UGT1A8: variants seen among roughly 807,000 people sequenced by gnomAD.
UGT1A8 encodes the protein UDP glucuronosyltransferase family 1 member A8.
UGT1A8 carries 39 observed loss-of-function variants against 45.3 expected under a neutral mutation model. The observed-to-expected ratio is 0.86, with a 90% confidence interval of 0.67 to 1.12. The LOEUF (loss-of-function observed/expected upper bound fraction) is 1.12. UGT1A8 is among the 50% of genes most tolerant of loss of function. UGT1A8 has a pLI of 0.00. For missense variants in UGT1A8, 719 were observed against 664.9 expected, an observed-to-expected ratio of 1.08 and a Z score of -0.90; for synonymous variants, 275 against 249.2, an observed-to-expected ratio of 1.10 and a Z score of -0.97.
intron 1 of UGT1A8, among the ~76,000 whole-genome samples, chr2:233,697,907 C>G (rs570529725): frequency 6.6e-6 from 1 of 152,212 alleles, no homozygotes; most frequent in South Asian, 2.1e-4. Flanking sequence ...TCTATTGACT[C>G]CTTCTCCTAG....
At chr2:233,740,578 C>A (rs1384729734) in intron 1 of UGT1A8, 2 of 151,730 alleles carry the variant, frequency 1.3e-5, no homozygotes, top group Non-Finnish European at 2.9e-5. Flanking sequence ...TTTTTTGGGA[C>A]CCTAATGAAA....
chr2:233,681,988 G>A, intron 1 of UGT1A8: 1 of 1,614,144 alleles, frequency 6.2e-7, no homozygotes, highest in Non-Finnish European at 8.5e-7. Context: ...TGTGTCTACT[G>A]CTGACCTGTG....
chr2:233,767,912 T>A lies in UGT1A8; in HGVS notation c.1051T>A (p.Trp351Arg), dbSNP rs1559414817. The change falls in exon 3 of 5, where the codon TGG (tryptophan) becomes AGG (arginine). Residue 351 changes from tryptophan (W) to arginine (R), a missense_variant. Physicochemically the swap from Trp to Arg is moderately radical, Grantham distance 101. Coordinates refer to ENST00000373450, the MANE Select transcript of UGT1A8 (RefSeq NM_019076.5). ...TGCGAACAACACGATACTTGTTAAG[T>A]GGCTACCCCAAAACGATCTGCTTGG... is the stretch of plus-strand genomic sequence containing the variant. The part of the protein sequence containing the change: ...NLANNTILVK[W>R]LPQNDLLGHP... The A allele has an allele frequency of 2.5e-6, 4 of 1,614,202 alleles. No homozygotes were observed. Among genetic ancestry groups the A allele is most frequent in the Non-Finnish European group, 3.4e-6 (4 of 1,180,044 alleles).
At chr2:233,618,601 GC>G (rs759143315) in intron 1 of UGT1A8, 39 bp downstream of exon 1, 1 of 1,547,454 alleles carries the variant, frequency 6.5e-7, no homozygotes, top group South Asian at 1.2e-5. Context: ...GAATAATCTG[GC>G]TTTGGAAATT....
At chr2:233,731,647 G>A (rs2078187092) in intron 1 of UGT1A8, among the ~76,000 whole-genome samples, 1 of 152,156 alleles carries the variant, frequency 6.6e-6, no homozygotes, top group Admixed American at 6.5e-5. Flanking sequence ...GTATTCCATG[G>A]TGTATATGTG....
At chr2:233,693,674 T>C in intron 1 of UGT1A8, 2 of 1,614,236 alleles carry the variant, frequency 1.2e-6, no homozygotes, top group Non-Finnish European at 1.7e-6. Flanking sequence ...TCTATTTTAT[T>C]GTCTGTTTTC....
At chr2:233,666,668 C>CT (rs2074082399) in intron 1 of UGT1A8, among the ~76,000 whole-genome samples, 1 of 150,160 alleles carries the variant, frequency 6.7e-6, no homozygotes. Flanking sequence ...TATTATTGTA[C>CT]TTTAAGTTTT....
chr2:233,638,353 GT>G (rs973155082), intron 1 of UGT1A8, among the ~76,000 whole-genome samples: 1 of 151,904 alleles, frequency 6.6e-6, no homozygotes, highest in African/African-American at 2.4e-5. Flanking sequence ...TAAAATTTTG[GT>G]TTTTGCATAT....
chr2:233,639,016 G>A (rs531591522), intron 1 of UGT1A8, among the ~76,000 whole-genome samples: 4 of 152,216 alleles, frequency 2.6e-5, no homozygotes, highest in South Asian at 2.1e-4. Flanking sequence ...CACAGCCTTC[G>A]GCCGAGTTGA....
chr2:233,743,601 C>G (rs201940151), intron 1 of UGT1A8: 4 of 1,367,294 alleles, frequency 2.9e-6, no homozygotes, highest in Middle Eastern at 2.1e-4. Flanking sequence ...GGGTCCTGGC[C>G]GCCGAAGAAC....
intron 1 of UGT1A8, among the ~76,000 whole-genome samples, chr2:233,681,165 G>A (rs1380306797): frequency 4.0e-5 from 6 of 151,768 alleles, no homozygotes; most frequent in African/African-American, 7.3e-5. Context: ...GGAGGTCAAC[G>A]CTAAGACCCT....
rs367801989 is a variant in UGT1A8, at chr2:233,637,175, T to C, written c.855+18613T>C. 5 of 1,613,884 alleles carry C rather than the reference T, an allele frequency of 3.1e-6. No homozygotes were observed. In the African/African-American group the frequency reaches 6.7e-5, roughly 22 times the overall value. On this transcript the variant is annotated intron_variant, in intron 1 of 4. Coordinates refer to ENST00000373450, the MANE Select transcript of UGT1A8 (RefSeq NM_019076.5). ...CACATCGTGCACTTGGAGGACCATT[T>C]ATTTTGCCAGTATCTTTTTAGAAAT... is the stretch of plus-strand genomic sequence containing the variant.
intron 1 of UGT1A8, among the ~76,000 whole-genome samples, chr2:233,629,803 A>C (rs1452141869): frequency 6.6e-6 from 1 of 152,162 alleles, no homozygotes; most frequent in Non-Finnish European, 1.5e-5. Flanking sequence ...AATTTAAAAG[A>C]TACAGGTTAC....
At chr2:233,672,201 G>T (rs186748787) in intron 1 of UGT1A8, 28 of 1,614,196 alleles carry the variant, frequency 1.7e-5, no homozygotes, top group Non-Finnish European at 2.2e-5. Flanking sequence ...TGGACCGGGA[G>T]TTCAAGGCTT....
At chr2:233,633,320 C>T (rs2073224537) in intron 1 of UGT1A8, among the ~76,000 whole-genome samples, 1 of 152,090 alleles carries the variant, frequency 6.6e-6, no homozygotes, top group African/African-American at 2.4e-5. Context: ...TGATGCTGGC[C>T]TCATAAAATG....
Position 233,617,670 on chromosome 2 carries a change from T to A in UGT1A8, c.-38T>A. On this transcript the variant is annotated 5_prime_UTR_variant, in exon 1 of 5. Transcript: ENST00000373450. Reference sequence around the variant, plus strand: ...CTTCCGCCTACTGTATCATAGCAGCTTAGAATCCCAGCTGCTGGCTCGGGC... The same window carrying A: ...CTTCCGCCTACTGTATCATAGCAGCATAGAATCCCAGCTGCTGGCTCGGGC... The A allele has an allele frequency of 6.3e-7, 1 of 1,591,958 alleles. No individual in the cohort carries two copies. Among genetic ancestry groups the A allele is most frequent in the African/African-American group, 1.3e-5 (1 of 74,718 alleles).
At position 233,734,691 on chromosome 2, in the gene UGT1A8, CCCAGAGA is replaced by C. The variant is rs551995171; in HGVS notation, c.856-32342_856-32336del. On this transcript the variant is annotated intron_variant, in intron 1 of 4. Coordinates refer to ENST00000373450, the MANE Select transcript of UGT1A8 (RefSeq NM_019076.5). ...CCTCTACACACTGATTTAAATGTGT[CCCAGAGA>C]TTCTGGTATGTTGTGTCTTTGTTCT... Among the ~76,000 whole-genome samples, 1,501 of 152,268 alleles carry C rather than the reference CCCAGAGA, an allele frequency of 9.9e-3. 21 individuals carry two copies. The highest frequency in any genetic ancestry group is 0.034 in the African/African-American group (1,432 of 41,544).
chr2:233,653,162 A>T (rs2073780227), intron 1 of UGT1A8, among the ~76,000 whole-genome samples: 1 of 152,242 alleles, frequency 6.6e-6, no homozygotes, highest in Admixed American at 6.5e-5. Flanking sequence ...ACGTCCTACA[A>T]ATGTAATTCC....
chr2:233,747,574 CT>C, intron 1 of UGT1A8: 1 of 1,587,022 alleles, frequency 6.3e-7, no homozygotes, highest in Non-Finnish European at 8.7e-7. Flanking sequence ...AAAAATTCAT[CT>C]TTGGTCTTTC....
Sources: gnomAD v4.1 joint callset for allele counts (sites outside exome capture counted in the v4.1 genomes callset) on GRCh38, gnomAD v4.1.1 for gene constraint, MANE v1.5 for transcripts, NCBI Gene and HGNC (gene_info 2026-07-23, HGNC 2026-07-21) for gene names.